The following WWTR1 variants were observed in gnomAD, a reference collection of about 807,000 sequenced individuals.
The protein encoded by WWTR1 is WW domain containing transcription regulator 1.
In WWTR1, 13 loss-of-function variants were observed where a neutral mutation model predicts 40.1. That is an observed-to-expected ratio of 0.32 (90% CI 0.21 to 0.52). The LOEUF (loss-of-function observed/expected upper bound fraction) is 0.52, where lower values mean the gene tolerates loss of function less well. Ranked by LOEUF, WWTR1 falls within the 20% of genes least tolerant of loss-of-function variation. The pLI is 0.97. For missense variants in WWTR1, 436 were observed against 523.1 expected (o/e 0.83, Z 1.63); for synonymous variants, 230 against 210.1 (o/e 1.09, Z -0.82).
At chr3:149,536,322 T>A (rs535689835) in intron 4 of WWTR1, among the ~76,000 whole-genome samples, 70 of 152,330 alleles carry the variant, frequency 4.6e-4, no homozygotes, top group Non-Finnish European at 8.2e-4. Flanking sequence ...CCCAGTCAAC[T>A]CTGAAACCTA....
chr3:149,557,479 A>C (rs1247523667), intron 3 of WWTR1, among the ~76,000 whole-genome samples: 1 of 152,138 alleles, frequency 6.6e-6, no homozygotes, highest in Non-Finnish European at 1.5e-5. Context: ...GTCTAGAAAA[A>C]CTACATTTCT....
chr3:149,644,648 AAC>A (rs1712382017), intron 2 of WWTR1, among the ~76,000 whole-genome samples: 3 of 152,214 alleles, frequency 2.0e-5, no homozygotes, highest in Admixed American at 6.5e-5. Flanking sequence ...CTCAACCAGT[AAC>A]AGAGACTTCC....
chr3:149,681,684 A>G (rs1011419276), intron 1 of WWTR1, among the ~76,000 whole-genome samples: 2 of 152,236 alleles, frequency 1.3e-5, no homozygotes, highest in Non-Finnish European at 2.9e-5. Flanking sequence ...ATGTTCATCA[A>G]TAGATGAATG....
intron 2 of WWTR1, among the ~76,000 whole-genome samples, chr3:149,600,564 T>C (rs973420298): frequency 6.6e-6 from 1 of 152,192 alleles, no homozygotes; most frequent in Non-Finnish European, 1.5e-5. Context: ...TAATAAGCAT[T>C]AGTTGTACCT....
chr3:149,656,775 T>G, intron 2 of WWTR1, 101 bp downstream of exon 2: 1 of 1,016,802 alleles, frequency 9.8e-7, no homozygotes, highest in Non-Finnish European at 1.3e-6. Context: ...TCTCTCTCTC[T>G]CTCTCTCTCT....
At chr3:149,714,309 G>A (rs1437617978) in intron 5 of WWTR1, among the ~76,000 whole-genome samples, 4 of 151,138 alleles carry the variant, frequency 2.6e-5, no homozygotes, top group Non-Finnish European at 4.4e-5. Context: ...AGCTGCAGAC[G>A]CCGAGCTGCG....
intron 2 of WWTR1, among the ~76,000 whole-genome samples, chr3:149,668,045 G>A (rs182045457): frequency 1.3e-5 from 2 of 152,298 alleles, no homozygotes; most frequent in African/African-American, 4.8e-5. Context: ...ACAGCCTGGA[G>A]TTCAACACTA....
upstream of WWTR1, chr3:149,659,769 C>T (rs1341601766): frequency 6.6e-6 from 1 of 152,184 alleles, no homozygotes. Context: ...GGGCCACTCC[C>T]TGAATGGCTG....
chr3:149,534,040 T>C (rs924770551), intron 4 of WWTR1, among the ~76,000 whole-genome samples: 1 of 152,142 alleles, frequency 6.6e-6, no homozygotes, highest in Non-Finnish European at 1.5e-5. Flanking sequence ...CATGGTGGCA[T>C]GTGCCTGTAG....
intron 2 of WWTR1, among the ~76,000 whole-genome samples, chr3:149,649,470 G>A (rs1161705918): frequency 6.6e-6 from 1 of 151,274 alleles, no homozygotes; most frequent in Non-Finnish European, 1.5e-5. Flanking sequence ...CTTTATAAAT[G>A]TTTCTTCATT....
At chr3:149,721,707 A>AT (rs1467580650) in intron 4 of WWTR1, among the ~76,000 whole-genome samples, 1 of 152,126 alleles carries the variant, frequency 6.6e-6, no homozygotes, top group Non-Finnish European at 1.5e-5. Context: ...GGTATAATTC[A>AT]CTGGTAAAAC....
At position 149,642,418 on chromosome 3, in the gene WWTR1, C is replaced by T. The variant is rs1395112642; in HGVS notation, c.431+14458G>A. Among the ~76,000 whole-genome samples the T allele has an allele frequency of 2.0e-5, 3 of 148,696 alleles. No individual in the cohort carries two copies. The East Asian group carries it at 5.9e-4, about 29-fold the overall frequency. ...CTAGGCGACAAGCAAAACTCTGTCA[C>T]ACACACACACACACACACACGAAAG... is the stretch of plus-strand genomic sequence containing the variant. On this transcript the variant is annotated intron_variant, in intron 2 of 6. Coordinates refer to ENST00000360632, the MANE Select transcript of WWTR1 (RefSeq NM_015472.6).
At chr3:149,528,291 C>T (rs1196973410) in intron 4 of WWTR1, among the ~76,000 whole-genome samples, 2 of 152,154 alleles carry the variant, frequency 1.3e-5, no homozygotes, top group African/African-American at 2.4e-5. Context: ...AGAGACAAGG[C>T]TTTTTCTATC....
rs1380311710 is a variant in WWTR1, at chr3:149,657,291, C to G, written c.16G>C (p.Ala6Pro). The G allele has an allele frequency of 6.2e-7, 1 of 1,611,234 alleles. No individual in the cohort carries two copies. Among genetic ancestry groups the G allele is most frequent in the Non-Finnish European group, 8.5e-7 (1 of 1,178,802 alleles). ...CCAGGCGGCGGGAGCGGAGGGGGCG[C>G]CGAGGCCGGATTCATCTTCTGCAAA... MNPAS[A>P]PPPLPPPGQQ... The change falls in exon 2 of 7, where the codon GCG becomes CCG. Residue 6 changes from alanine (A) to proline (P), a missense_variant. By Grantham distance (27) the Ala-to-Pro change is conservative. Transcript: ENST00000360632.
chr3:149,559,489 A>T (rs1164788206), intron 3 of WWTR1, among the ~76,000 whole-genome samples: 2 of 152,158 alleles, frequency 1.3e-5, no homozygotes, highest in Admixed American at 1.3e-4. Flanking sequence ...TTATAAGCAA[A>T]CAATTAACAA....
At chr3:149,609,019 T>G (rs1159629864) in intron 2 of WWTR1, among the ~76,000 whole-genome samples, 1 of 152,146 alleles carries the variant, frequency 6.6e-6, no homozygotes, top group African/African-American at 2.4e-5. Context: ...CAGTGAGCCC[T>G]GATCACACCA....
intron 3 of WWTR1, among the ~76,000 whole-genome samples, chr3:149,547,569 T>C (rs909460648): frequency 6.6e-6 from 1 of 151,356 alleles, no homozygotes; most frequent in African/African-American, 2.4e-5. Flanking sequence ...AAATGCAGTA[T>C]CTGAGGCCAA....
At chr3:149,616,429 C>CCT (rs781571623) in intron 2 of WWTR1, among the ~76,000 whole-genome samples, 22 of 151,388 alleles carry the variant, frequency 1.5e-4, no homozygotes, top group Non-Finnish European at 2.2e-4. Context: ...AAATGGCTGT[C>CCT]CTCTCTCTCT....
At chr3:149,613,382 G>A (rs976536054) in intron 2 of WWTR1, among the ~76,000 whole-genome samples, 10 of 152,154 alleles carry the variant, frequency 6.6e-5, no homozygotes, top group Non-Finnish European at 1.5e-4. Flanking sequence ...GCAGAGGCAA[G>A]ACCCAGGGAC....
Sources: gnomAD v4.1 joint callset for allele counts (sites outside exome capture counted in the v4.1 genomes callset) on GRCh38, gnomAD v4.1.1 for gene constraint, MANE v1.5 for transcripts, NCBI Gene and HGNC (gene_info 2026-07-23, HGNC 2026-07-21) for gene names.